The following PIGO variants were observed in gnomAD, a reference collection of about 807,000 sequenced individuals.
PIGO encodes the protein phosphatidylinositol glycan anchor biosynthesis class O.
In PIGO, 66 loss-of-function variants were observed where a neutral mutation model predicts 86.9. The observed-to-expected ratio is 0.76, with a 90% confidence interval of 0.62 to 0.93. PIGO has a LOEUF of 0.93. PIGO is among the 40% of genes least tolerant of loss of function. PIGO has a pLI of 0.00. For synonymous variants in PIGO, 570 were observed against 556.4 expected (o/e 1.02, Z -0.34); for missense variants, 1,202 against 1,359.1 (o/e 0.88, Z 1.82).
rs1829407304 is a variant in PIGO, at chr9:35,091,387, C to T, written c.2500G>A (p.Ala834Thr). The change falls in exon 7 of 11, where the codon GCT becomes ACT. Residue 834 changes from alanine (A) to threonine (T), a missense_variant. Ala to Thr is a moderately conservative substitution (Grantham distance 58). Coordinates refer to ENST00000378617, the MANE Select transcript of PIGO (RefSeq NM_032634.4). ...AAYQLGSVYS[A>T]AMVTALTLLA... is the part of the protein sequence containing the mutation. ...AGGGTGAGGGCTGTGACCATAGCAG[C>T]TGAGTAGACACTCCCCAACTGATAA... 6.2e-7 allele frequency: 1 copy of T among 1,614,090 alleles called. No individual in the cohort carries two copies. The highest frequency in any genetic ancestry group is 8.5e-7 in the Non-Finnish European group (1 of 1,180,042).
intron 7 of PIGO, 22 bp from the exon 8 acceptor site, chr9:35,090,694 G>C (rs774292957): frequency 8.7e-6 from 14 of 1,608,372 alleles, no homozygotes; most frequent in Non-Finnish European, 1.2e-5. Flanking sequence ...GATATGCCAC[G>C]TTACAGTCAC....
At chr9:35,090,885 C>T (rs1829387519) in intron 7 of PIGO, 1 of 589,284 alleles carries the variant, frequency 1.7e-6, no homozygotes. Flanking sequence ...CTGCTATGGC[C>T]AATCTCTTTC....
Position 35,095,060 on chromosome 9 carries a change from C to A in PIGO, c.506G>T (p.Ser169Ile). ...TCAAAGTGGCCCACACTGACCTGCACTGGTGAGCTGCTTAATGAGATTGTC... is the reference window on the plus strand; with the variant it reads ...TCAAAGTGGCCCACACTGACCTGCAATGGTGAGCTGCTTAATGAGATTGTC... ...VEDNLIKQLT[S>I]AGRRVVFMGD... is the part of the protein sequence containing the mutation. The change falls in exon 2 of 11, where the codon AGT becomes ATT. Residue 169 changes from serine (S) to isoleucine (I), a missense_variant. Transcript: ENST00000378617. 6.2e-7 allele frequency: 1 copy of A among 1,600,498 alleles called. No individual in the cohort carries two copies.
Position 35,091,510 on chromosome 9 carries a change from A to T in PIGO, c.2377T>A (p.Leu793Met). The T allele has an allele frequency of 6.2e-7, 1 of 1,614,184 alleles. No individual in the cohort carries two copies. The highest frequency in any genetic ancestry group is 8.5e-7 in the Non-Finnish European group (1 of 1,180,038). ...FSGPPTSQAD[L>M]DYVVPQIYRH... is the part of the protein sequence containing the mutation. ...TAGATTTGAGGGACCACATAATCCA[A>T]GTCAGCTTGAGAAGTGGGGGGGCCT... Residue 793 changes from leucine (L) to methionine (M), a missense_variant, in exon 7 of 11, where the codon TTG becomes ATG. Transcript: ENST00000378617.
At chr9:35,092,899 G>A (rs931729051) in intron 6 of PIGO, 131 bp downstream of exon 6, 2 of 1,376,550 alleles carry the variant, frequency 1.5e-6, no homozygotes, top group Non-Finnish European at 2.0e-6. Flanking sequence ...TCGGGGAAGG[G>A]AGGGATAACG....
rs1829447397 is a variant in PIGO at position 35,092,040 on chromosome 9, T to G, written c.1847A>C (p.His616Pro). The G allele has an allele frequency of 2.5e-6, 4 of 1,614,234 alleles. No homozygotes were observed. Among genetic ancestry groups the G allele is most frequent in the Non-Finnish European group, 3.4e-6 (4 of 1,180,040 alleles). Residue 616 changes from histidine (H) to proline (P), a missense_variant, in exon 7 of 11, where the codon CAC becomes CCC. By Grantham distance (77) the His-to-Pro change is moderately conservative. Coordinates refer to ENST00000378617, the MANE Select transcript of PIGO (RefSeq NM_032634.4). Reference protein sequence around the residue: ...GTSATTNPPRHNGAYALRLGI... With the variant: ...GTSATTNPPRPNGAYALRLGI... ...AAGCCTCAGGGCATATGCACCATTG[T>G]GCCGTGGGGGGTTTGTTGTGGCTGA...
rs745452743 is a variant in PIGO, at chr9:35,092,525, AC to A, written c.1361del (p.Gly454ValfsTer31). On this transcript the variant is annotated frameshift_variant, in exon 7 of 11. Coordinates refer to ENST00000378617, the MANE Select transcript of PIGO (RefSeq NM_032634.4). LOFTEE classifies it high-confidence loss of function. ...AGCAGGAAGCAGCCAAGAGAGCAGT[AC>A]CCCCCGCCATGCGGACCAGAGAGAA... ...ARFSLVRMAG[G>X]TALLAASCFI... 8.7e-6 allele frequency: 14 copies of A among 1,613,854 alleles called. No individual in the cohort carries two copies. Among genetic ancestry groups the A allele is most frequent in the Non-Finnish European group, 1.2e-5 (14 of 1,179,950 alleles).
At chr9:35,095,886 C>T in intron 1 of PIGO, 1 of 213,916 alleles carries the variant, frequency 4.7e-6, no homozygotes, top group South Asian at 7.4e-5. Flanking sequence ...CACCTGTAGT[C>T]TCAGCTACTG....
rs1193102061 is a variant in PIGO at position 35,088,907 on chromosome 9, G to C, written c.*185C>G. 2 of 803,108 alleles carry C rather than the reference G, an allele frequency of 2.5e-6. No homozygotes were observed. The highest frequency in any genetic ancestry group is 2.5e-5 in the Admixed American group (1 of 39,508). 49.7% of individuals were successfully genotyped at this position (803,108 alleles called of 1,614,324 possible). On this transcript the variant is annotated 3_prime_UTR_variant, in exon 11 of 11. Transcript: ENST00000378617. ...TCAGATGCATCCAAATCAGGAGTTAGGGATCATACTCCACTGTGGTCCTGA... is the reference window on the plus strand; with the variant it reads ...TCAGATGCATCCAAATCAGGAGTTACGGATCATACTCCACTGTGGTCCTGA...
intron 10 of PIGO, 23 bp from the exon 11 acceptor site, chr9:35,089,244 T>C (rs779839639): frequency 9.9e-6 from 16 of 1,614,010 alleles, no homozygotes; most frequent in Non-Finnish European, 1.4e-5. Flanking sequence ...GCGGAGAATC[T>C]CAGGCAACAG....
chr9:35,094,453 C>A, intron 2 of PIGO, 94 bp from the exon 3 acceptor site: 1 of 1,417,668 alleles, frequency 7.1e-7, no homozygotes. Context: ...ATCAGAAGTC[C>A]CAACCATGCA....
At chr9:35,093,332 G>A in intron 5 of PIGO, 89 bp downstream of exon 5, 2 of 1,585,572 alleles carry the variant, frequency 1.3e-6, no homozygotes, top group African/African-American at 1.3e-5. Context: ...TGGATTTGGG[G>A]GCCTAAAATA....
rs1829632738 is a variant in PIGO, at chr9:35,095,526, A to C, written c.40T>G (p.Cys14Gly). Residue 14 changes from cysteine (C) to glycine (G), a missense_variant, in exon 2 of 11, where the codon TGC becomes GGC. Coordinates refer to ENST00000378617, the MANE Select transcript of PIGO (RefSeq NM_032634.4). ...GCAATGCCAGCGTAGAAGAGGAAGC[A>C]GACCCAGGCCAGGAAGAGCAACACT... ...ASVLLFLAWV[C>G]FLFYAGIALF... 3.1e-6 allele frequency: 5 copies of C among 1,602,510 alleles called. No homozygotes were observed. The highest frequency in any genetic ancestry group is 4.3e-6 in the Non-Finnish European group (5 of 1,173,754).
At chr9:35,089,795 G>A (rs1236953452) in intron 9 of PIGO, 32 of 1,394,150 alleles carry the variant, frequency 2.3e-5, no homozygotes, top group Non-Finnish European at 3.0e-5. Context: ...TATCACCTCA[G>A]TTTTTCCAGT....
chr9:35,092,555 A>G lies in PIGO; in HGVS notation c.1332T>C (p.Ala444=). Residue 444 remains alanine (A), a synonymous_variant, in exon 7 of 11, where the codon GCT becomes GCC. Transcript: ENST00000378617. ...CCGCCATGCGGACCAGAGAGAAACG[A>G]GCCCAAGACTCGATGCACATGGCCC... ...GARAMCIESW[A]RFSLVRMAGG... 1 of 1,614,216 alleles carries G rather than the reference A, an allele frequency of 6.2e-7. No individual in the cohort carries two copies. Among genetic ancestry groups the G allele is most frequent in the Non-Finnish European group, 8.5e-7 (1 of 1,180,026 alleles).
intron 9 of PIGO, 38 bp from the exon 10 acceptor site, chr9:35,089,488 G>A (rs1257021486): frequency 6.2e-7 from 1 of 1,613,734 alleles, no homozygotes; most frequent in Admixed American, 1.7e-5. Flanking sequence ...ACTTGTGAAG[G>A]AGAGGAGGAA....
chr9:35,091,757 T>C lies in PIGO; in HGVS notation c.2130A>G (p.Leu710=). ...AGTAGGCAGCAGTACCCAATGCCAT[T>C]AGGGGCAGTCCCCAGCGCACAAAGA... ...PMLFVRWGLP[L]MALGTAAYWA... The change falls in exon 7 of 11, where the codon CTA becomes CTG. Residue 710 remains leucine (L), a synonymous_variant. Coordinates refer to ENST00000378617, the MANE Select transcript of PIGO (RefSeq NM_032634.4). The C allele has an allele frequency of 1.2e-6, 2 of 1,612,028 alleles. No homozygotes were observed. The highest frequency in any genetic ancestry group is 1.7e-6 in the Non-Finnish European group (2 of 1,180,002).
At chr9:35,090,370 C>T in intron 8 of PIGO, 90 bp from the exon 9 acceptor site, 1 of 1,552,724 alleles carries the variant, frequency 6.4e-7, no homozygotes, top group Admixed American at 1.9e-5. Flanking sequence ...GCCAAAGATC[C>T]AACAAACCCA....
At position 35,095,179 on chromosome 9, in the gene PIGO, G is replaced by C. The variant is rs765968784; in HGVS notation, c.387C>G (p.Thr129=). ...GGGCCTTGAGGCGCTGCATGGTGGT[G>C]GTAGGAGGGTCAACCTGAGATCGGT... is the stretch of plus-strand genomic sequence containing the variant. ...RLYRSQVDPP[T]TTMQRLKALT... The change falls in exon 2 of 11, where the codon ACC becomes ACG. Residue 129 remains threonine, a synonymous_variant. Coordinates refer to ENST00000378617, the MANE Select transcript of PIGO (RefSeq NM_032634.4). 2 of 1,614,218 alleles carry C rather than the reference G, an allele frequency of 1.2e-6. No individual in the cohort carries two copies. The highest frequency in any genetic ancestry group is 2.2e-5 in the South Asian group (2 of 91,088).
Sources: gnomAD v4.1 joint callset for allele counts on GRCh38, gnomAD v4.1.1 for gene constraint, MANE v1.5 for transcripts, NCBI Gene and HGNC (gene_info 2026-07-23, HGNC 2026-07-21) for gene names.